RABL6: variants seen among roughly 807,000 people sequenced by gnomAD.
The protein encoded by RABL6 is RAB, member RAS oncogene family like 6.
In RABL6, 28 loss-of-function variants were observed where a neutral mutation model predicts 72.9. The ratio of observed to expected loss-of-function variants is 0.38; its 90% CI spans 0.28 to 0.53. The LOEUF is 0.53. Among genes scored for constraint, RABL6 ranks in the 20% least tolerant of loss-of-function variants. RABL6 has a pLI of 0.80. For missense variants in RABL6, 1,029 were observed against 1,008.4 expected (o/e 1.02, Z -0.28); for synonymous variants, 477 against 421.2 (o/e 1.13, Z -1.62).
At chr9:136,829,334 G>A in intron 4 of RABL6, 59 bp from the exon 5 acceptor site, 1 of 1,314,372 alleles carries the variant, frequency 7.6e-7, no homozygotes, top group Non-Finnish European at 1.1e-6. Flanking sequence ...TAAAACTGTG[G>A]GCCACACGGG....
At position 136,839,502 on chromosome 9, in the gene RABL6, C is replaced by T. The variant is rs752375499; in HGVS notation, c.1758+16C>T. 15 of 1,600,018 alleles carry T rather than the reference C, an allele frequency of 9.4e-6. No individual in the cohort carries two copies. The highest frequency in any genetic ancestry group is 1.3e-5 in the African/African-American group (1 of 74,874). On this transcript the variant is annotated intron_variant, in intron 12 of 14. Coordinates refer to ENST00000311502, the MANE Select transcript of RABL6 (RefSeq NM_024718.5). ...GCGCAGGGCGGTAAGACGAGTCCTC[C>T]CGGGGCAGAGGTCAGCCAGGTGGCC...
chr9:136,831,584 A>T, intron 5 of RABL6, 137 bp from the exon 6 acceptor site: 1 of 1,267,184 alleles, frequency 7.9e-7, no homozygotes, highest in Non-Finnish European at 1.1e-6. Context: ...TGCATGCACG[A>T]GGCATGCTTC....
At chr9:136,838,061 C>T in intron 10 of RABL6, 46 bp downstream of exon 10, 1 of 1,545,712 alleles carries the variant, frequency 6.5e-7, no homozygotes, top group Non-Finnish European at 8.7e-7. Context: ...CCCCAGCCTC[C>T]AGGGTGCCCG....
chr9:136,830,259 C>T (rs774597539), intron 5 of RABL6, among the ~76,000 whole-genome samples: 5 of 152,216 alleles, frequency 3.3e-5, no homozygotes, highest in African/African-American at 4.8e-5. Context: ...TTAAGCGTAC[C>T]GCCTGTCACG....
At position 136,839,809 on chromosome 9, in the gene RABL6, C is replaced by G. The variant is rs1477779575; in HGVS notation, c.1874C>G (p.Ser625Trp). The change falls in exon 13 of 15, where the codon TCG becomes TGG. Residue 625 changes from serine (S) to tryptophan (W), a missense_variant. Physicochemically the swap from Ser to Trp is radical, Grantham distance 177 (BLOSUM62 -3). Around this residue, in one of 2 missense-constraint regions of RABL6, gnomAD observed 595 missense variants for 472.4 expected, o/e 1.26. Coordinates refer to ENST00000311502, the MANE Select transcript of RABL6 (RefSeq NM_024718.5). ...CCCGCCTTCAGACTGAAGAATGACTCGGACCTCTTCGGGCTGGGGCTGGAG... is the reference window on the plus strand; with the variant it reads ...CCCGCCTTCAGACTGAAGAATGACTGGGACCTCTTCGGGCTGGGGCTGGAG... ...PLPAFRLKND[S>W]DLFGLGLEEA... 6.2e-7 allele frequency: 1 copy of G among 1,612,778 alleles called. No homozygotes were observed. The highest frequency in any genetic ancestry group is 1.1e-5 in the South Asian group (1 of 91,084).
intron 2 of RABL6, among the ~76,000 whole-genome samples, chr9:136,825,177 C>T (rs1209389237): frequency 1.3e-5 from 2 of 152,338 alleles, no homozygotes; most frequent in South Asian, 2.1e-4. Context: ...CAGGTGGCTC[C>T]GAAGGGAGGG....
At chr9:136,835,440 T>C in intron 7 of RABL6, 1 of 308,358 alleles carries the variant, frequency 3.2e-6, no homozygotes, top group Non-Finnish European at 6.1e-6. Flanking sequence ...TCTTCACTCT[T>C]AGAGGTGCGT....
intron 3 of RABL6, 42 bp from the exon 4 acceptor site, chr9:136,828,452 C>T (rs770150975): frequency 2.5e-6 from 4 of 1,607,810 alleles, no homozygotes; most frequent in East Asian, 2.2e-5. Flanking sequence ...GGCCCAAGGC[C>T]CAGGGGTTCC....
chr9:136,821,912 G>C (rs994595161), intron 1 of RABL6: 81 of 1,284,490 alleles, frequency 6.3e-5, no homozygotes, highest in Non-Finnish European at 8.1e-5. Context: ...CCGTGAGGGC[G>C]CCTGGGTCCC....
At chr9:136,835,905 A>G in intron 8 of RABL6, 60 bp downstream of exon 8, 1 of 1,467,118 alleles carries the variant, frequency 6.8e-7, no homozygotes, top group Non-Finnish European at 9.3e-7. Context: ...GCCGTGGTGC[A>G]GGGCCATGGG....
At chr9:136,821,106 A>C (rs138142741) in intron 1 of RABL6, among the ~76,000 whole-genome samples, 1 of 152,222 alleles carries the variant, frequency 6.6e-6, no homozygotes, top group Non-Finnish European at 1.5e-5. Context: ...CGGCAGTGGC[A>C]TTGGGAGGCT....
chr9:136,812,883 A>T (rs901068817), intron 1 of RABL6: 2 of 326,788 alleles, frequency 6.1e-6, no homozygotes, highest in Non-Finnish European at 1.2e-5. Context: ...CCACCACCTC[A>T]TCCTCCAAAG....
intron 6 of RABL6, 194 bp from the exon 7 acceptor site, chr9:136,832,071 G>A: frequency 2.2e-6 from 2 of 926,456 alleles, no homozygotes; most frequent in African/African-American, 1.7e-5. Context: ...CCAGGGTGAA[G>A]TGCTGGCACT....
chr9:136,822,896 G>A (rs1453947190), intron 1 of RABL6, among the ~76,000 whole-genome samples: 1 of 152,124 alleles, frequency 6.6e-6, no homozygotes, highest in Non-Finnish European at 1.5e-5. Context: ...AGACCACCCT[G>A]GCTAACACGG....
At chr9:136,812,951 C>A in intron 1 of RABL6, 1 of 352,978 alleles carries the variant, frequency 2.8e-6, no homozygotes, top group South Asian at 2.6e-5. Context: ...TTGGCCCAGT[C>A]CAAGTTACCT....
chr9:136,828,459 T>C (rs1462902523), intron 3 of RABL6, 35 bp from the exon 4 acceptor site: 1 of 1,610,374 alleles, frequency 6.2e-7, no homozygotes, highest in Non-Finnish European at 8.5e-7. Flanking sequence ...GGCCCAGGGG[T>C]TCCACCTCGT....
intron 1 of RABL6, among the ~76,000 whole-genome samples, chr9:136,810,788 G>A (rs1564356868): frequency 1.3e-5 from 2 of 152,338 alleles, no homozygotes; most frequent in Admixed American, 6.5e-5. Context: ...TGATCTGCCC[G>A]CCTCAGCCTC....
At chr9:136,833,102 T>TG (rs1190052030) in intron 7 of RABL6, 2 of 268,720 alleles carry the variant, frequency 7.4e-6, no homozygotes, top group South Asian at 3.0e-5. Context: ...CGCCTGGGTC[T>TG]GGGGACCTGA....
chr9:136,817,574 T>TGGGGAGGCCGACATGGGCTGA (rs1848145774), intron 1 of RABL6, among the ~76,000 whole-genome samples: 1 of 104,674 alleles, frequency 9.6e-6, no homozygotes, highest in Non-Finnish European at 2.0e-5. Context: ...ACGTGGGCTG[T>TGGGGAGGCCGACATGGGCTGA]GGGGAGGCCG....
Sources: allele counts gnomAD v4.1 joint callset (sites outside exome capture counted in the v4.1 genomes callset), GRCh38; gene constraint gnomAD v4.1.1; regional missense constraint gnomAD v4.1.1; transcripts MANE v1.5; gene names NCBI Gene and HGNC (gene_info 2026-07-23, HGNC 2026-07-21).